Variants in TLN2 observed in about 807,000 individuals in gnomAD.
TLN2 encodes talin 2.
In TLN2, 118 loss-of-function variants were observed where a neutral mutation model predicts 294.7. That is an observed-to-expected ratio of 0.40 (90% CI 0.34 to 0.47). The LOEUF (loss-of-function observed/expected upper bound fraction) is 0.47. Ranked by LOEUF, TLN2 falls within the 20% of genes least tolerant of loss-of-function variation. TLN2 has a pLI of 0.84. For synonymous variants in TLN2, 1,431 were observed against 1,304.5 expected, an observed-to-expected ratio of 1.10 and a Z score of -2.09; for missense variants, 3,083 against 3,282.2, an observed-to-expected ratio of 0.94 and a Z score of 1.48.
chr15:62,405,062 C>T (rs1886124971), intron 1 of TLN2, among the ~76,000 whole-genome samples: 2 of 152,136 alleles, frequency 1.3e-5, no homozygotes, highest in South Asian at 4.1e-4. Context: ...GTGGGTGTCT[C>T]CCTTTGATAG....
chr15:62,467,994 C>T (rs1330697107), intron 1 of TLN2, among the ~76,000 whole-genome samples: 1 of 152,126 alleles, frequency 6.6e-6, no homozygotes, highest in Non-Finnish European at 1.5e-5. Context: ...CAGGCAGAGC[C>T]TTAGAAAGAA....
chr15:62,485,362 A>G (rs780747072), intron 1 of TLN2, among the ~76,000 whole-genome samples: 1 of 152,220 alleles, frequency 6.6e-6, no homozygotes, highest in Non-Finnish European at 1.5e-5. Flanking sequence ...AAGCAGGTCC[A>G]AGGGTCAGGG....
intron 1 of TLN2, among the ~76,000 whole-genome samples, chr15:62,541,973 A>G (rs1227117051): frequency 2.6e-5 from 4 of 151,574 alleles, no homozygotes; most frequent in South Asian, 4.2e-4. Flanking sequence ...CTAGATAAAA[A>G]GACTATTTAA....
At chr15:62,478,401 C>T (rs2037901884) in intron 1 of TLN2, among the ~76,000 whole-genome samples, 1 of 152,164 alleles carries the variant, frequency 6.6e-6, no homozygotes, top group South Asian at 2.1e-4. Context: ...TAGGACCCTC[C>T]CCTGTATGGC....
In TLN2 at chr15:62,658,223, G is replaced by A. The variant is rs181767007; in HGVS notation, c.788+325G>A. 97 of 228,742 alleles carry A rather than the reference G, an allele frequency of 4.2e-4. 1 individual carries two copies. Among genetic ancestry groups the A allele is most frequent in the Admixed American group, 2.1e-3 (36 of 17,444 alleles). 14.2% of individuals were successfully genotyped at this position (228,742 alleles called of 1,614,324 possible). A position where few individuals can be genotyped will look rare whatever the true frequency, so the allele number is the denominator to read the frequency against. On this transcript the variant is annotated intron_variant, in intron 9 of 58. Coordinates refer to ENST00000636159, the MANE Select transcript of TLN2 (RefSeq NM_015059.3). ...GCTCCAGTAGGGCCAAGGTGTGAAC[G>A]CCAGTGTGGGGGTTGTGGGGAGGAC...
intron 11 of TLN2, among the ~76,000 whole-genome samples, chr15:62,680,978 G>A (rs2056777901): frequency 6.6e-6 from 1 of 152,128 alleles, no homozygotes. Context: ...CCACTCATTA[G>A]TTGATGGTCA....
intron 41 of TLN2, among the ~76,000 whole-genome samples, chr15:62,768,265 G>A (rs2047412): frequency 0.98 from 149,599 of 152,308 alleles, 73,519 homozygotes; most frequent in Middle Eastern, 1. Flanking sequence ...GGTGGTGGCA[G>A]GGCTGTGCAG....
At chr15:62,452,746 T>C (rs2036235066) in intron 1 of TLN2, among the ~76,000 whole-genome samples, 1 of 152,238 alleles carries the variant, frequency 6.6e-6, no homozygotes, top group African/African-American at 2.4e-5. Context: ...TCCAATAAGT[T>C]AAGAGGAGAA....
chr15:62,824,220 G>GT (rs2067834304), intron 54 of TLN2, among the ~76,000 whole-genome samples: 1 of 152,138 alleles, frequency 6.6e-6, no homozygotes, highest in Admixed American at 6.5e-5. Flanking sequence ...GAAACAATAA[G>GT]TGTTGATGTT....
intron 1 of TLN2, among the ~76,000 whole-genome samples, chr15:62,474,616 G>A (rs967001144): frequency 3.3e-5 from 5 of 152,208 alleles, no homozygotes; most frequent in Non-Finnish European, 5.9e-5. Context: ...CCTCCAGCCA[G>A]GACGGGAGAG....
chr15:62,547,426 C>G (rs1361151423), intron 1 of TLN2, among the ~76,000 whole-genome samples: 1 of 152,352 alleles, frequency 6.6e-6, no homozygotes. Flanking sequence ...CTGGGTCCTG[C>G]ATGACCCCTC....
Position 62,708,779 on chromosome 15 carries a change from G to C in TLN2, c.2450G>C (p.Ser817Thr). 1 of 1,604,082 alleles carries C rather than the reference G, an allele frequency of 6.2e-7. No individual in the cohort carries two copies. Among genetic ancestry groups the C allele is most frequent in the Non-Finnish European group, 8.5e-7 (1 of 1,179,472 alleles). Residue 817 changes from serine (S) to threonine (T), a missense_variant, in exon 21 of 59, where the codon AGC (serine) becomes ACC (threonine). Coordinates refer to ENST00000636159, the MANE Select transcript of TLN2 (RefSeq NM_015059.3). ...TIMCVTESIF[S>T]SMGDAGEMVR... ...ATGTGTGTCACCGAGAGCATCTTCA[G>C]CTCCATGGGTGACGCTGGTAAGGCA...
At chr15:62,536,743 A>T (rs1284483586) in intron 1 of TLN2, among the ~76,000 whole-genome samples, 1 of 152,210 alleles carries the variant, frequency 6.6e-6, no homozygotes, top group African/African-American at 2.4e-5. Context: ...TATTCGCAAG[A>T]ATAGGTGCTC....
intron 54 of TLN2, among the ~76,000 whole-genome samples, chr15:62,821,454 TTA>T (rs2067561119): frequency 6.6e-6 from 1 of 152,228 alleles, no homozygotes; most frequent in Non-Finnish European, 1.5e-5. Flanking sequence ...TTCCACCAAT[TTA>T]GGTATACCTA....
At position 62,810,123 on chromosome 15, in the gene TLN2, C is replaced by T. The variant is rs1256722631; in HGVS notation, c.6771+91C>T. 6 of 1,048,778 alleles carry T rather than the reference C, an allele frequency of 5.7e-6. No homozygotes were observed. In the African/African-American group the frequency reaches 6.3e-5, roughly 11 times the overall value. 65.0% of individuals were successfully genotyped at this position (1,048,778 alleles called of 1,614,324 possible). A position where few individuals can be genotyped will look rare whatever the true frequency, so the allele number is the denominator to read the frequency against. On this transcript the variant is annotated intron_variant, in intron 52 of 58. Transcript: ENST00000636159. Reference sequence around the variant, plus strand: ...AACTATGCTTTCCTTGGGAAGACCTCTCTCAGAGCCCTGTCCATTGCCACT... The same window carrying T: ...AACTATGCTTTCCTTGGGAAGACCTTTCTCAGAGCCCTGTCCATTGCCACT...
chr15:62,734,923 G>T (rs1280972999), intron 28 of TLN2, among the ~76,000 whole-genome samples: 2 of 152,206 alleles, frequency 1.3e-5, no homozygotes. Flanking sequence ...TGAAGCAGTG[G>T]CTGGTAAAGA....
In TLN2 at chr15:62,656,174, G is replaced by A. The variant is rs532442173; in HGVS notation, c.660+88G>A. On this transcript the variant is annotated intron_variant, in intron 8 of 58. Coordinates refer to ENST00000636159, the MANE Select transcript of TLN2 (RefSeq NM_015059.3). ...TTGTGGCGAGCAGGAGGGCGGCGCTGGCTTCTGCCACATTTATGGCGTCGT... is the reference window on the plus strand; with the variant it reads ...TTGTGGCGAGCAGGAGGGCGGCGCTAGCTTCTGCCACATTTATGGCGTCGT... 46 of 1,518,578 alleles carry A rather than the reference G, an allele frequency of 3.0e-5. No individual in the cohort carries two copies. In the African/African-American group the frequency reaches 5.7e-4, roughly 19 times the overall value. 94.1% of individuals were successfully genotyped at this position (1,518,578 alleles called of 1,614,324 possible). A position where few individuals can be genotyped will look rare whatever the true frequency, so the allele number is the denominator to read the frequency against.
intron 9 of TLN2, among the ~76,000 whole-genome samples, chr15:62,665,747 A>G (rs1479068567): frequency 3.3e-5 from 5 of 152,226 alleles, no homozygotes; most frequent in Non-Finnish European, 7.3e-5. Flanking sequence ...TTGACCCAGT[A>G]GGAGGTCTTA....
Position 62,639,026 on chromosome 15 carries a change from T to C in TLN2, c.-36-8249T>C, listed in dbSNP as rs559675469. On this transcript the variant is annotated intron_variant, in intron 3 of 58. Transcript: ENST00000636159. ...GGATATTACTGTGCATAATTCCTAATGACTAATTTAGGGAAAAATCTGGTT... is the reference window on the plus strand; with the variant it reads ...GGATATTACTGTGCATAATTCCTAACGACTAATTTAGGGAAAAATCTGGTT... Among the ~76,000 whole-genome samples, 198 of 152,280 alleles carry C rather than the reference T, an allele frequency of 1.3e-3. 1 individual carries two copies. The Middle Eastern group carries it at 0.017, about 13-fold the overall frequency.
Sources: gnomAD v4.1 joint callset for allele counts (sites outside exome capture counted in the v4.1 genomes callset) on GRCh38, gnomAD v4.1.1 for gene constraint, MANE v1.5 for transcripts, NCBI Gene and HGNC (gene_info 2026-07-23, HGNC 2026-07-21) for gene names.